Variants in TBC1D5 observed in about 807,000 individuals in gnomAD.
The protein encoded by TBC1D5 is TBC1 domain family member 5, also known as TBC1 domain family, member 5.
TBC1D5 carries 75 observed loss-of-function variants against 100.3 expected under a neutral mutation model. That is an observed-to-expected ratio of 0.75 (90% CI 0.62 to 0.91). The LOEUF is 0.91. Ranked by LOEUF, TBC1D5 falls within the 40% of genes least tolerant of loss-of-function variation. TBC1D5 has a pLI of 0.00. For missense variants in TBC1D5, 910 were observed against 942.4 expected, an observed-to-expected ratio of 0.97 and a Z score of 0.45; for synonymous variants, 323 against 325.6, an observed-to-expected ratio of 0.99 and a Z score of 0.09.
At chr3:17,500,242 T>C (rs1040077421) in intron 3 of TBC1D5, among the ~76,000 whole-genome samples, 1 of 149,326 alleles carries the variant, frequency 6.7e-6, no homozygotes, top group Non-Finnish European at 1.5e-5. Flanking sequence ...GCAGATCTAA[T>C]TAATAAGATA....
chr3:17,693,686 G>A (rs982286862), intron 1 of TBC1D5, among the ~76,000 whole-genome samples: 9 of 152,212 alleles, frequency 5.9e-5, no homozygotes, highest in Non-Finnish European at 1.2e-4. Context: ...GACAACTTCT[G>A]CAGATTTAAA....
At chr3:17,388,935 A>G (rs1473630663) in intron 8 of TBC1D5, among the ~76,000 whole-genome samples, 1 of 152,106 alleles carries the variant, frequency 6.6e-6, no homozygotes, top group Admixed American at 6.6e-5. Context: ...AATAAAAATA[A>G]TAATCTATTA....
chr3:17,706,360 G>C, intron 1 of TBC1D5: 1 of 1,228,530 alleles, frequency 8.1e-7, no homozygotes, highest in Non-Finnish European at 1.1e-6. Context: ...ATATTTGAAG[G>C]AAAGCTAATC....
chr3:17,736,521 G>A (rs2076977574), intron 1 of TBC1D5, among the ~76,000 whole-genome samples: 2 of 152,128 alleles, frequency 1.3e-5, no homozygotes, highest in South Asian at 2.1e-4. Context: ...AGACAAACAT[G>A]GAAATAGTGG....
At chr3:17,356,105 T>G (rs1235063586) in intron 13 of TBC1D5, among the ~76,000 whole-genome samples, 1 of 152,172 alleles carries the variant, frequency 6.6e-6, no homozygotes, top group Admixed American at 6.6e-5. Flanking sequence ...TTTGGTTTTT[T>G]AATGGGAATA....
intron 13 of TBC1D5, among the ~76,000 whole-genome samples, chr3:17,353,557 TA>T (rs2090885117): frequency 6.6e-6 from 1 of 152,112 alleles, no homozygotes; most frequent in Non-Finnish European, 1.5e-5. Context: ...CCATCATCTA[TA>T]AATATAGACT....
intron 19 of TBC1D5, among the ~76,000 whole-genome samples, chr3:17,173,274 T>C (rs2067351736): frequency 6.6e-6 from 1 of 152,208 alleles, no homozygotes; most frequent in Non-Finnish European, 1.5e-5. Context: ...ATTATTTGTA[T>C]GGCACTGATG....
intron 17 of TBC1D5, among the ~76,000 whole-genome samples, chr3:17,237,866 G>A (rs1266691099): frequency 1.3e-5 from 2 of 152,102 alleles, no homozygotes; most frequent in African/African-American, 2.4e-5. Flanking sequence ...AGTTAGCAGA[G>A]AACACAGTCA....
intron 13 of TBC1D5, among the ~76,000 whole-genome samples, chr3:17,308,764 G>A (rs771745900): frequency 6.6e-6 from 1 of 151,948 alleles, no homozygotes; most frequent in Non-Finnish European, 1.5e-5. Flanking sequence ...GCTACCTTTC[G>A]AGGAGTGTTT....
intron 13 of TBC1D5, among the ~76,000 whole-genome samples, chr3:17,308,793 A>T (rs565352215): frequency 1.3e-5 from 2 of 152,258 alleles, no homozygotes; most frequent in East Asian, 3.9e-4. Context: ...TACTTCTATT[A>T]TCTAGAAAAT....
chr3:17,464,598 C>T (rs1559945279), intron 3 of TBC1D5, among the ~76,000 whole-genome samples: 1 of 152,042 alleles, frequency 6.6e-6, no homozygotes, highest in Non-Finnish European at 1.5e-5. Flanking sequence ...AGTCTCTAAC[C>T]TTATTTAACT....
rs183162494 is a variant in TBC1D5, at chr3:17,280,567, A to G, written c.1245+11328T>C. 1.8e-4 allele frequency among the ~76,000 whole-genome samples: 27 copies of G among 152,276 alleles called. No homozygotes were observed. The East Asian group carries it at 4.1e-3, about 23-fold the overall frequency. On this transcript the variant is annotated intron_variant, in intron 15 of 21. Transcript: ENST00000253692. Reference sequence around the variant, plus strand: ...AGACTATGGTTTGACGTCAAAGAGAAGCAGCTTGACTTCAGAGGGATGGTT... The same window carrying G: ...AGACTATGGTTTGACGTCAAAGAGAGGCAGCTTGACTTCAGAGGGATGGTT...
chr3:17,739,756 GC>G (rs2077249307), exon 1 of TBC1D5: 1 of 152,230 alleles, frequency 6.6e-6, no homozygotes. Flanking sequence ...TGTAATCCCA[GC>G]ACTTTGGGAG....
intron 1 of TBC1D5, among the ~76,000 whole-genome samples, chr3:17,723,618 G>A (rs1240267994): frequency 6.6e-6 from 1 of 152,120 alleles, no homozygotes; most frequent in African/African-American, 2.4e-5. Flanking sequence ...CAGTACACTC[G>A]TGGATTTTTT....
At chr3:17,426,019 A>G (rs1320765540) in intron 4 of TBC1D5, among the ~76,000 whole-genome samples, 1 of 119,764 alleles carries the variant, frequency 8.3e-6, no homozygotes, top group African/African-American at 4.0e-5. Flanking sequence ...TATATAAAGT[A>G]TGAGTATGTT....
chr3:17,662,949 TG>T, intron 1 of TBC1D5: 1 of 152,268 alleles, frequency 6.6e-6, no homozygotes, highest in Non-Finnish European at 1.5e-5. Context: ...ATTTTCTTAC[TG>T]GGGTTCATGG....
chr3:17,187,986 G>T (rs1467995748), intron 18 of TBC1D5, among the ~76,000 whole-genome samples: 3 of 152,204 alleles, frequency 2.0e-5, no homozygotes, highest in Non-Finnish European at 4.4e-5. Context: ...TACCTGAATG[G>T]ATTCATTTTC....
chr3:17,591,152 C>T (rs1319089418), intron 2 of TBC1D5, among the ~76,000 whole-genome samples: 2 of 138,502 alleles, frequency 1.4e-5, no homozygotes, highest in Non-Finnish European at 3.0e-5. Flanking sequence ...AGGAGAATGG[C>T]GTGAACCCAG....
At chr3:17,641,933 T>C (rs969085564) in intron 1 of TBC1D5, among the ~76,000 whole-genome samples, 1 of 152,144 alleles carries the variant, frequency 6.6e-6, no homozygotes, top group African/African-American at 2.4e-5. Flanking sequence ...TAAAATGCAA[T>C]GTTTTAAAAT....
Sources: allele counts gnomAD v4.1 joint callset (sites outside exome capture counted in the v4.1 genomes callset), GRCh38; gene constraint gnomAD v4.1.1; transcripts MANE v1.5; gene names NCBI Gene and HGNC (gene_info 2026-07-23, HGNC 2026-07-21).